GAB2: variants seen among roughly 807,000 people sequenced by gnomAD.
GAB2 encodes the protein GRB2 associated binding protein 2.
In GAB2, 26 loss-of-function variants were observed where a neutral mutation model predicts 65.5. The ratio of observed to expected loss-of-function variants is 0.40; its 90% confidence interval spans 0.29 to 0.55. The LOEUF (loss-of-function observed/expected upper bound fraction) is 0.55, where lower values mean the gene tolerates loss of function less well. GAB2 is among the 20% of genes least tolerant of loss of function. GAB2 has a pLI of 0.53. For synonymous variants in GAB2, 321 were observed against 329.6 expected (o/e 0.97, Z 0.28); for missense variants, 884 against 875.8 (o/e 1.01, Z -0.12).
intron 2 of GAB2, among the ~76,000 whole-genome samples, chr11:78,253,022 T>TTG (rs1312395278): frequency 1.1e-4 from 16 of 147,696 alleles, no homozygotes; most frequent in Admixed American, 8.1e-4. Flanking sequence ...TTTTTTTTTT[T>TTG]TTTTGTGAGA....
At chr11:78,352,445 G>C (rs948597465) in intron 1 of GAB2, among the ~76,000 whole-genome samples, 25 of 152,206 alleles carry the variant, frequency 1.6e-4, no homozygotes, top group Admixed American at 3.9e-4. Flanking sequence ...TGCCCTGCTT[G>C]CCTAGCAAGT....
chr11:78,296,859 C>G (rs1866843931), intron 1 of GAB2, among the ~76,000 whole-genome samples: 1 of 152,168 alleles, frequency 6.6e-6, no homozygotes, highest in South Asian at 2.1e-4. Context: ...GATCAAGGCA[C>G]CAGCAGATTT....
At chr11:78,330,686 T>A (rs771582523) in intron 1 of GAB2, among the ~76,000 whole-genome samples, 9 of 152,196 alleles carry the variant, frequency 5.9e-5, no homozygotes, top group Non-Finnish European at 8.8e-5. Flanking sequence ...GCGTATTCAT[T>A]TATATTGTCT....
chr11:78,231,336 G>GTGGTGTGTGTGTGTGT (rs1554975133), intron 3 of GAB2, among the ~76,000 whole-genome samples: 71 of 145,898 alleles, frequency 4.9e-4, no homozygotes, highest in African/African-American at 1.8e-3. Flanking sequence ...GCGCGTGTGT[G>GTGGTGTGTGTGTGTGT]GTGTGTGTGT....
chr11:78,261,627 G>A (rs1158573460), intron 2 of GAB2, among the ~76,000 whole-genome samples: 4 of 152,128 alleles, frequency 2.6e-5, no homozygotes, highest in African/African-American at 9.7e-5. Flanking sequence ...GCTTGGGTTG[G>A]TTAGTTGGTC....
chr11:78,366,650 G>A (rs1277541739), intron 1 of GAB2, among the ~76,000 whole-genome samples: 9 of 148,700 alleles, frequency 6.1e-5, no homozygotes, highest in Non-Finnish European at 7.4e-5. Flanking sequence ...TGAGGATGGG[G>A]GGTTAATTTA....
chr11:78,373,922 C>T (rs1565176994), intron 1 of GAB2, among the ~76,000 whole-genome samples: 1 of 152,148 alleles, frequency 6.6e-6, no homozygotes, highest in Admixed American at 6.5e-5. Context: ...CAGTACCCGA[C>T]ACACAGTTGG....
chr11:78,232,079 C>A (rs1864865432), intron 3 of GAB2: 1 of 152,208 alleles, frequency 6.6e-6, no homozygotes, highest in African/African-American at 2.4e-5. Context: ...ACTCTGGTTA[C>A]AGAGCAAAGC....
chr11:78,297,560 CA>C (rs1257896241), intron 1 of GAB2, among the ~76,000 whole-genome samples: 1 of 151,958 alleles, frequency 6.6e-6, no homozygotes, highest in Non-Finnish European at 1.5e-5. Flanking sequence ...GTAGCTCAGG[CA>C]GGGAGAACAG....
At chr11:78,327,816 T>C (rs896253810) in intron 1 of GAB2, among the ~76,000 whole-genome samples, 3 of 152,236 alleles carry the variant, frequency 2.0e-5, no homozygotes, top group African/African-American at 4.8e-5. Flanking sequence ...TTTGGATAAA[T>C]CATTAAATTT....
intron 1 of GAB2, among the ~76,000 whole-genome samples, chr11:78,368,465 C>A (rs186128479): frequency 6.6e-6 from 1 of 152,108 alleles, no homozygotes; most frequent in African/African-American, 2.4e-5. Flanking sequence ...GCAGAAGTCA[C>A]TGAAATACAG....
At chr11:78,318,131 C>G (rs910170047) in intron 1 of GAB2, 1 of 151,744 alleles carries the variant, frequency 6.6e-6, no homozygotes, top group African/African-American at 2.4e-5. Context: ...AGGAACAGAA[C>G]TGATTACCTA....
chr11:78,257,962 C>T (rs1361829336), intron 2 of GAB2, among the ~76,000 whole-genome samples: 1 of 152,126 alleles, frequency 6.6e-6, no homozygotes, highest in Non-Finnish European at 1.5e-5. Context: ...AGAGGAAGAA[C>T]TCCCACAAGA....
intron 3 of GAB2, among the ~76,000 whole-genome samples, chr11:78,249,637 T>G (rs1265618031): frequency 6.6e-6 from 1 of 152,214 alleles, no homozygotes; most frequent in Admixed American, 6.5e-5. Context: ...CCTAGACATA[T>G]GTGTCTACTG....
Position 78,226,973 on chromosome 11 carries a change from G to T in GAB2, c.699C>A (p.Gly233=), listed in dbSNP as rs373966214. ...SDTAVQKLAQ[G]NGHCVNGISG... ...TGATCCCGTTGACACAGTGTCCATT[G>T]CCCTGGGCAAGTTTTTGTACAGCTG... is the stretch of plus-strand genomic sequence containing the variant. Residue 233 remains glycine (G), a synonymous_variant, in exon 4 of 10, where the codon GGC becomes GGA. Transcript: ENST00000361507. 1.9e-5 allele frequency: 31 copies of T among 1,613,528 alleles called. No individual in the cohort carries two copies. The African/African-American group carries it at 3.3e-4, about 17-fold the overall frequency.
intron 1 of GAB2, among the ~76,000 whole-genome samples, chr11:78,296,023 C>T (rs1439495533): frequency 1.3e-5 from 2 of 152,300 alleles, no homozygotes; most frequent in Middle Eastern, 6.8e-3. Context: ...TGAAACTGTT[C>T]CACTTCAGAT....
At chr11:78,319,992 C>T (rs1409896636) in intron 1 of GAB2, among the ~76,000 whole-genome samples, 1 of 151,942 alleles carries the variant, frequency 6.6e-6, no homozygotes, top group African/African-American at 2.4e-5. Flanking sequence ...TCTCCTGCCT[C>T]AGCCTCCTGA....
chr11:78,269,347 A>G (rs1865952104), intron 2 of GAB2, among the ~76,000 whole-genome samples: 1 of 152,320 alleles, frequency 6.6e-6, no homozygotes, highest in East Asian at 1.9e-4. Context: ...AGGGAGGAAA[A>G]GGCCCTCCCA....
rs543627499 is a variant in GAB2 at position 78,344,180 on chromosome 11, A to T, written c.76-63279T>A. ...AGTAGGATGACATGGCATGTGAGAA[A>T]GATTTAACTCAGGATTTCAATGAAG... On this transcript the variant is annotated intron_variant, in intron 1 of 9. Transcript: ENST00000361507. 4.6e-5 allele frequency among the ~76,000 whole-genome samples: 7 copies of T among 152,358 alleles called. No homozygotes were observed. In the South Asian group the frequency reaches 1.2e-3, roughly 27 times the overall value.
Sources: gnomAD v4.1 joint callset for allele counts (sites outside exome capture counted in the v4.1 genomes callset) on GRCh38, gnomAD v4.1.1 for gene constraint, MANE v1.5 for transcripts, NCBI Gene and HGNC (gene_info 2026-07-23, HGNC 2026-07-21) for gene names.